The following MYRIP variants were observed in gnomAD, a reference collection of about 807,000 sequenced individuals.
The protein encoded by MYRIP is rab effector MyRIP.
A neutral mutation model predicts 98.0 loss-of-function variants in MYRIP; 49 were observed. The ratio of observed to expected loss-of-function variants is 0.50; its 90% CI spans 0.40 to 0.63. The LOEUF is 0.63. Ranked by LOEUF, MYRIP falls within the 30% of genes least tolerant of loss-of-function variation. The pLI, the probability that MYRIP is intolerant of heterozygous loss-of-function variation, is 0.00. For missense variants in MYRIP, 1,004 were observed against 1,058.2 expected (o/e 0.95, Z 0.71); for synonymous variants, 404 against 409.5 (o/e 0.99, Z 0.16).
At chr3:39,924,655 C>G (rs1944377756) in intron 2 of MYRIP, among the ~76,000 whole-genome samples, 1 of 151,990 alleles carries the variant, frequency 6.6e-6, no homozygotes, top group African/African-American at 2.4e-5. Context: ...TTATAGAACA[C>G]TTCCCCCAAC....
At chr3:39,959,432 C>T (rs1432981561) in intron 2 of MYRIP, among the ~76,000 whole-genome samples, 1 of 152,040 alleles carries the variant, frequency 6.6e-6, no homozygotes, top group Non-Finnish European at 1.5e-5. Context: ...GACAGAAAAC[C>T]AAACACCACA....
chr3:39,973,749 T>C (rs972073311), intron 2 of MYRIP, among the ~76,000 whole-genome samples: 3 of 152,032 alleles, frequency 2.0e-5, no homozygotes, highest in African/African-American at 7.2e-5. Flanking sequence ...AAGAAACTCA[T>C]TCAAAACCGC....
At chr3:40,085,982 A>G (rs1369840058) in intron 3 of MYRIP, among the ~76,000 whole-genome samples, 1 of 152,190 alleles carries the variant, frequency 6.6e-6, no homozygotes, top group African/African-American at 2.4e-5. Flanking sequence ...GTGATAAGGG[A>G]CAGATATGTG....
intron 3 of MYRIP, among the ~76,000 whole-genome samples, chr3:40,082,320 C>T (rs1448927778): frequency 1.3e-5 from 2 of 152,176 alleles, no homozygotes; most frequent in East Asian, 1.9e-4. Context: ...GCATTACTCA[C>T]AAGAGCCAAG....
intron 2 of MYRIP, among the ~76,000 whole-genome samples, chr3:39,932,938 G>T (rs965929176): frequency 6.6e-6 from 1 of 152,152 alleles, no homozygotes; most frequent in African/African-American, 2.4e-5. Context: ...ATCATAATTT[G>T]CATTGAGTAT....
intron 3 of MYRIP, among the ~76,000 whole-genome samples, chr3:40,141,803 T>C (rs1949901509): frequency 1.3e-5 from 2 of 152,190 alleles, no homozygotes; most frequent in Admixed American, 6.6e-5. Context: ...TATTGGTTTA[T>C]GTGTCTGTCT....
chr3:40,184,891 T>C (rs1288646510), intron 9 of MYRIP, among the ~76,000 whole-genome samples: 3 of 152,144 alleles, frequency 2.0e-5, no homozygotes, highest in African/African-American at 7.2e-5. Flanking sequence ...TCTATGCATC[T>C]CTCAGGATAA....
At chr3:40,167,031 A>T (rs1485049316) in intron 6 of MYRIP, 88 bp downstream of exon 6, 1 of 1,364,076 alleles carries the variant, frequency 7.3e-7, no homozygotes. Context: ...CAGGAAATCA[A>T]TGTCCCAGCA....
chr3:40,211,122 TGGTA>T (rs2125667696), intron 11 of MYRIP, among the ~76,000 whole-genome samples: 1 of 152,304 alleles, frequency 6.6e-6, no homozygotes, highest in South Asian at 2.1e-4. Flanking sequence ...GGCTCACATC[TGGTA>T]AGTTTCAGAG....
intron 2 of MYRIP, among the ~76,000 whole-genome samples, chr3:39,972,427 A>G (rs1184966750): frequency 1.3e-5 from 2 of 152,090 alleles, no homozygotes; most frequent in Non-Finnish European, 2.9e-5. Context: ...ATTTTAAAGT[A>G]TCAGTGACAT....
At chr3:39,946,929 T>G (rs995969938) in intron 2 of MYRIP, among the ~76,000 whole-genome samples, 3 of 151,914 alleles carry the variant, frequency 2.0e-5, no homozygotes, top group Non-Finnish European at 4.4e-5. Context: ...AAGGTTGGAG[T>G]GGTGCTATTA....
intron 2 of MYRIP, among the ~76,000 whole-genome samples, chr3:39,996,870 T>G (rs933214342): frequency 4.6e-5 from 7 of 152,244 alleles, no homozygotes; most frequent in African/African-American, 1.7e-4. Flanking sequence ...GGACTCAGGA[T>G]TAAGAAACTC....
At chr3:40,102,177 T>C (rs1415139751) in intron 3 of MYRIP, among the ~76,000 whole-genome samples, 1 of 152,224 alleles carries the variant, frequency 6.6e-6, no homozygotes, top group African/African-American at 2.4e-5. Flanking sequence ...AGCCCTGGTC[T>C]CAGAGTCCCT....
At chr3:40,024,317 T>C (rs963361728) in intron 2 of MYRIP, among the ~76,000 whole-genome samples, 1 of 152,060 alleles carries the variant, frequency 6.6e-6, no homozygotes, top group South Asian at 2.1e-4. Flanking sequence ...GTTGTGAAGA[T>C]AGTGATTGTC....
intron 2 of MYRIP, among the ~76,000 whole-genome samples, chr3:40,029,660 A>G (rs1947214556): frequency 6.6e-6 from 1 of 152,214 alleles, no homozygotes; most frequent in Non-Finnish European, 1.5e-5. Context: ...AGGGTTTAAT[A>G]TAAGAAAGGG....
At chr3:40,010,421 A>G (rs1315976836) in intron 2 of MYRIP, among the ~76,000 whole-genome samples, 1 of 152,204 alleles carries the variant, frequency 6.6e-6, no homozygotes, top group Admixed American at 6.5e-5. Context: ...GGAGACAGCC[A>G]TAGAGGTGCC....
At chr3:39,988,440 G>A (rs1045464813) in intron 2 of MYRIP, among the ~76,000 whole-genome samples, 3 of 152,152 alleles carry the variant, frequency 2.0e-5, no homozygotes, top group Middle Eastern at 3.4e-3. Context: ...CTCTGGCTAC[G>A]CTTACCACTT....
chr3:40,201,199 C>T (rs1404164054), intron 10 of MYRIP, among the ~76,000 whole-genome samples: 1 of 152,178 alleles, frequency 6.6e-6, no homozygotes, highest in East Asian at 1.9e-4. Flanking sequence ...AAACATTCAC[C>T]TGAAAAGCCC....
At chr3:40,137,940 T>A (rs1008681504) in intron 3 of MYRIP, among the ~76,000 whole-genome samples, 2 of 152,204 alleles carry the variant, frequency 1.3e-5, no homozygotes, top group African/African-American at 4.8e-5. Context: ...GCAGGACAGA[T>A]CTGGTCATAC....
Sources: allele counts gnomAD v4.1 joint callset (sites outside exome capture counted in the v4.1 genomes callset), GRCh38; gene constraint gnomAD v4.1.1; transcripts MANE v1.5; gene names NCBI Gene and HGNC (gene_info 2026-07-23, HGNC 2026-07-21).